Variants in RTTN observed in about 807,000 individuals in gnomAD.
RTTN encodes the protein rotatin.
A neutral mutation model predicts 269.2 loss-of-function variants in RTTN; 182 were observed. The ratio of observed to expected loss-of-function variants is 0.68; its 90% confidence interval spans 0.60 to 0.76. The LOEUF is 0.76. Ranked by LOEUF, RTTN falls within the 30% of genes least tolerant of loss-of-function variation. The pLI, the probability that RTTN is intolerant of heterozygous loss-of-function variation, is 0.00. For missense variants in RTTN, 2,545 were observed against 2,608.6 expected (o/e 0.98, Z 0.53); for synonymous variants, 1,006 against 963.5 (o/e 1.04, Z -0.82).
rs1298769817 is a variant in RTTN, at chr18:70,062,305, T to TA, written c.4748-2264dup. On this transcript the variant is annotated intron_variant, in intron 35 of 48. Coordinates refer to ENST00000640769, the MANE Select transcript of RTTN (RefSeq NM_173630.4). Reference sequence around the variant, plus strand: ...ATAAAAGTCAACCTATACAAGAAGATACATGCAGAGAAGGGTCACTATCCC... The same window carrying TA: ...ATAAAAGTCAACCTATACAAGAAGATAACATGCAGAGAAGGGTCACTATCCC... Among the ~76,000 whole-genome samples, 7 of 152,300 alleles carry TA rather than the reference T, an allele frequency of 4.6e-5. No individual in the cohort carries two copies. In the East Asian group the frequency reaches 1.4e-3, roughly 29 times the overall value.
chr18:70,024,703 C>T lies in RTTN; in HGVS notation c.5950+19G>A. On this transcript the variant is annotated intron_variant, in intron 44 of 48. Transcript: ENST00000640769. ...AGTATTTTGGTATATTATTGAAAGG[C>T]AGTATTGGATCCTATTACCATTTGG... is the stretch of plus-strand genomic sequence containing the variant. 6.3e-7 allele frequency: 1 copy of T among 1,599,776 alleles called. No homozygotes were observed. Among genetic ancestry groups the T allele is most frequent in the Non-Finnish European group, 8.5e-7 (1 of 1,169,848 alleles).
chr18:70,028,166 G>A (rs757003657), intron 43 of RTTN, among the ~76,000 whole-genome samples: 15 of 152,072 alleles, frequency 9.9e-5, no homozygotes, highest in Non-Finnish European at 1.9e-4. Context: ...CTCTATAGTA[G>A]TACTGATACA....
At chr18:70,162,886 G>GAAAAAAAAAAA (rs5825997) in intron 14 of RTTN, among the ~76,000 whole-genome samples, 4 of 50,196 alleles carry the variant, frequency 8.0e-5, no homozygotes, top group African/African-American at 7.7e-5. Context: ...AATAAAAGTT[G>GAAAAAAAAAAA]AAAAAAAAAA....
Position 70,149,028 on chromosome 18 carries a change from C to T in RTTN, c.2182G>A (p.Asp728Asn), listed in dbSNP as rs375149092. The T allele has an allele frequency of 5.3e-5, 86 of 1,612,368 alleles. No homozygotes were observed. The highest frequency in any genetic ancestry group is 3.3e-4 in the Middle Eastern group (2 of 6,066). ...CAGTTACCCAGAGGATCTTCTGTGT[C>T]GGCATAGCCCTAATAGATTTGTTTT... ...PVIPILQGYA[D>N]TEDPLGNCIL... The change falls in exon 17 of 49, where the codon GAC becomes AAC. Residue 728 changes from aspartate to asparagine, a missense_variant. Physicochemically the swap from Asp to Asn is conservative, Grantham distance 23. Coordinates refer to ENST00000640769, the MANE Select transcript of RTTN (RefSeq NM_173630.4).
At chr18:70,045,670 G>T (rs760035496) in intron 40 of RTTN, among the ~76,000 whole-genome samples, 22 of 152,154 alleles carry the variant, frequency 1.4e-4, no homozygotes, top group Non-Finnish European at 2.2e-4. Flanking sequence ...TACACATTTT[G>T]TCATGAGTGT....
At chr18:70,100,343 T>C (rs888516631) in intron 28 of RTTN, among the ~76,000 whole-genome samples, 8 of 152,226 alleles carry the variant, frequency 5.3e-5, no homozygotes, top group African/African-American at 1.9e-4. Context: ...TTTGAAGCAA[T>C]TGTGAATGGG....
intron 34 of RTTN, among the ~76,000 whole-genome samples, chr18:70,068,343 G>A (rs967698415): frequency 3.3e-5 from 5 of 152,140 alleles, no homozygotes; most frequent in African/African-American, 9.7e-5. Context: ...CCTAGTCCAC[G>A]TCCTCATTTA....
At chr18:70,158,382 A>G (rs2060739269) in intron 14 of RTTN, among the ~76,000 whole-genome samples, 1 of 152,218 alleles carries the variant, frequency 6.6e-6, no homozygotes, top group Non-Finnish European at 1.5e-5. Flanking sequence ...AATTATTTTC[A>G]GAGAAGCAAA....
intron 10 of RTTN, among the ~76,000 whole-genome samples, chr18:70,187,820 A>T (rs559755457): frequency 6.6e-6 from 1 of 152,320 alleles, no homozygotes; most frequent in African/African-American, 2.4e-5. Context: ...ACGATCTTTA[A>T]AAATACGTAT....
At chr18:70,169,432 C>A (rs548527970) in intron 11 of RTTN, among the ~76,000 whole-genome samples, 1 of 152,134 alleles carries the variant, frequency 6.6e-6, no homozygotes, top group African/African-American at 2.4e-5. Context: ...TGTACATGTA[C>A]GCAAATCTCC....
chr18:70,035,931 GC>G (rs2057159170), intron 40 of RTTN, among the ~76,000 whole-genome samples: 1 of 152,200 alleles, frequency 6.6e-6, no homozygotes, highest in African/African-American at 2.4e-5. Flanking sequence ...CATACACATT[GC>G]CAACAAGCAC....
rs767100568 is a variant in RTTN at position 70,059,864 on chromosome 18, T to C, written c.4926A>G (p.Ile1642Met). ...TAKAFRQAHL[I>M]ELLCSIADAT... ...TTATCTCTTACCTACAGAGAAGTTCTATGAGATGAGCTTGTCGAAAAGCCT... is the reference window on the plus strand; with the variant it reads ...TTATCTCTTACCTACAGAGAAGTTCCATGAGATGAGCTTGTCGAAAAGCCT... Residue 1642 changes from isoleucine to methionine, a missense_variant, in exon 36 of 49, where the codon ATA becomes ATG. Ile to Met is a conservative substitution (Grantham distance 10). Coordinates refer to ENST00000640769, the MANE Select transcript of RTTN (RefSeq NM_173630.4). 6.2e-7 allele frequency: 1 copy of C among 1,606,790 alleles called. No homozygotes were observed. The highest frequency in any genetic ancestry group is 1.7e-5 in the Admixed American group (1 of 58,840).
intron 35 of RTTN, among the ~76,000 whole-genome samples, chr18:70,063,876 C>T (rs1372207693): frequency 1.3e-5 from 2 of 151,576 alleles, no homozygotes; most frequent in Non-Finnish European, 2.9e-5. Context: ...AAGGAATATA[C>T]CTGATAGTGT....
rs1355377051 is a variant in RTTN at position 70,168,972 on chromosome 18, A to C, written c.1572T>G (p.Ala524=). 1.2e-6 allele frequency: 2 copies of C among 1,613,192 alleles called. No homozygotes were observed. The highest frequency in any genetic ancestry group is 2.2e-5 in the South Asian group (2 of 90,936). The stretch of plus-strand genomic sequence containing the variant: ...TCAGCTGTTCCAAATAGGCCACAAC[A>C]GCTTCATGAATATTTGGATATTCCA... ...ISLEYPNIHE[A]VVAYLEQLNS... The change falls in exon 12 of 49, where the codon GCT becomes GCG. Residue 524 remains alanine, a synonymous_variant. Coordinates refer to ENST00000640769, the MANE Select transcript of RTTN (RefSeq NM_173630.4).
chr18:70,121,941 A>G (rs1328044434), intron 25 of RTTN, among the ~76,000 whole-genome samples: 2 of 152,328 alleles, frequency 1.3e-5, no homozygotes, highest in East Asian at 1.9e-4. Context: ...GACAAATATC[A>G]TAAGAGAAAA....
intron 1 of RTTN, 40 bp downstream of exon 1, chr18:70,205,588 C>A (rs771467824): frequency 1.1e-5 from 18 of 1,613,502 alleles, no homozygotes; most frequent in South Asian, 5.5e-5. Context: ...GTGGCCAGAG[C>A]GCGGGGGGTG....
intron 4 of RTTN, 131 bp downstream of exon 4, chr18:70,201,763 T>A: frequency 3.2e-6 from 2 of 615,602 alleles, no homozygotes; most frequent in South Asian, 4.2e-5. Context: ...TTGAAACAAC[T>A]AAAACATTTA....
At chr18:70,004,339 A>G in intron 48 of RTTN, 103 bp from the exon 49 acceptor site, 2 of 661,312 alleles carry the variant, frequency 3.0e-6, no homozygotes, top group Non-Finnish European at 5.0e-6. Flanking sequence ...GGATTTATAT[A>G]TAATTTAAAG....
intron 14 of RTTN, among the ~76,000 whole-genome samples, chr18:70,158,857 A>G (rs2060753265): frequency 6.6e-6 from 1 of 152,074 alleles, no homozygotes; most frequent in Non-Finnish European, 1.5e-5. Context: ...GAAAGGCATT[A>G]CATAATGATA....
Sources: gnomAD v4.1 joint callset for allele counts (sites outside exome capture counted in the v4.1 genomes callset) on GRCh38, gnomAD v4.1.1 for gene constraint, MANE v1.5 for transcripts, NCBI Gene and HGNC (gene_info 2026-07-23, HGNC 2026-07-21) for gene names.